Variants in SYNE2 observed in about 807,000 individuals in gnomAD.
The protein encoded by SYNE2 is nesprin-2.
Under a neutral mutation model 856.3 loss-of-function variants are expected in SYNE2, and 431 were observed. That is an observed-to-expected ratio of 0.50 (90% CI 0.47 to 0.55). The LOEUF (loss-of-function observed/expected upper bound fraction) is 0.55. Among genes scored for constraint, SYNE2 ranks in the 20% least tolerant of loss-of-function variants. The probability of loss-of-function intolerance (pLI) is 0.00; values close to 1 mark genes in which losing one functional copy is unlikely to be tolerated. For synonymous variants in SYNE2, 2,923 were observed against 2,872.3 expected, an observed-to-expected ratio of 1.02 and a Z score of -0.56; for missense variants, 8,129 against 8,023.2, an observed-to-expected ratio of 1.01 and a Z score of -0.50.
intron 1 of SYNE2, among the ~76,000 whole-genome samples, chr14:63,907,714 T>G (rs1235237280): frequency 1.3e-5 from 2 of 151,980 alleles, no homozygotes; most frequent in Admixed American, 1.3e-4. Context: ...CCCCAGAGTA[T>G]GGGAAGGGGT....
intron 19 of SYNE2, among the ~76,000 whole-genome samples, chr14:63,989,729 C>A (rs1445834094): frequency 1.3e-5 from 2 of 152,194 alleles, no homozygotes; most frequent in Non-Finnish European, 2.9e-5. Context: ...TGGCTCACTG[C>A]AACCTCTGCC....
intron 1 of SYNE2, among the ~76,000 whole-genome samples, chr14:63,894,011 T>C (rs972241155): frequency 6.6e-6 from 1 of 152,146 alleles, no homozygotes; most frequent in Non-Finnish European, 1.5e-5. Context: ...CTCAGTTACT[T>C]CTTTGGGGAA....
chr14:64,177,847 GACT>G (rs1217412464), intron 96 of SYNE2, among the ~76,000 whole-genome samples: 2 of 152,196 alleles, frequency 1.3e-5, no homozygotes, highest in African/African-American at 4.8e-5. Context: ...AGTAAAATAT[GACT>G]AAAGAATTCA....
intron 70 of SYNE2, among the ~76,000 whole-genome samples, chr14:64,123,526 T>C (rs1431070312): frequency 6.6e-6 from 1 of 152,226 alleles, no homozygotes; most frequent in Non-Finnish European, 1.5e-5. Context: ...TTCTCCATAT[T>C]ACACTGTAAC....
At chr14:64,045,499 A>G (rs528932281) in intron 45 of SYNE2, among the ~76,000 whole-genome samples, 2 of 152,246 alleles carry the variant, frequency 1.3e-5, no homozygotes, top group Admixed American at 1.3e-4. Flanking sequence ...GGAGACAGCT[A>G]TCTAGCTCAT....
chr14:63,928,839 C>T (rs1327448276), intron 2 of SYNE2, among the ~76,000 whole-genome samples: 1 of 152,078 alleles, frequency 6.6e-6, no homozygotes, highest in African/African-American at 2.4e-5. Context: ...ATCATCCTTA[C>T]CGTGTCCGTC....
intron 50 of SYNE2, among the ~76,000 whole-genome samples, chr14:64,063,407 G>A (rs1258452969): frequency 6.6e-6 from 1 of 152,212 alleles, no homozygotes; most frequent in Non-Finnish European, 1.5e-5. Flanking sequence ...GTGGTACTGA[G>A]AGATTTAATT....
intron 113 of SYNE2, 146 bp from the exon 114 acceptor site, chr14:64,224,315 C>T (rs910739469): frequency 1.3e-6 from 1 of 773,688 alleles, no homozygotes; most frequent in South Asian, 1.4e-5. Context: ...TGTGCCACTG[C>T]ACTCCAGCCT....
chr14:64,131,008 ACTT>A (rs1247025983), intron 76 of SYNE2, among the ~76,000 whole-genome samples: 1 of 152,220 alleles, frequency 6.6e-6, no homozygotes, highest in Non-Finnish European at 1.5e-5. Context: ...TTAAACAAAA[ACTT>A]CTTGATCACC....
chr14:64,002,808 T>C lies in SYNE2; in HGVS notation c.3875T>C (p.Phe1292Ser), dbSNP rs2096765769. 2.5e-6 allele frequency: 4 copies of C among 1,599,182 alleles called. No individual in the cohort carries two copies. Among genetic ancestry groups the C allele is most frequent in the African/African-American group, 2.8e-5 (2 of 70,332 alleles). The change falls in exon 30 of 116, where the codon TTT becomes TCT. Residue 1292 changes from phenylalanine to serine, a missense_variant. By Grantham distance (155) the Phe-to-Ser change is radical. This residue lies in a region of SYNE2 where 2,422 missense variants were observed against 2,357.4 expected (regional missense o/e 1.03). Coordinates refer to ENST00000555002, the MANE Select transcript of SYNE2 (RefSeq NM_182914.3). ...TTTGTATTAAAGGAGTTACACCCAT[T>C]TGATCTACACGCAATGCAGAATATT... ...GNFVLKELHP[F>S]DLHAMQNIIL...
In SYNE2 at chr14:63,775,931, C is replaced by A. The variant is rs139893611; in HGVS notation, c.-305+13945C>A. Among the ~76,000 whole-genome samples, 110 of 152,268 alleles carry A rather than the reference C, an allele frequency of 7.2e-4. 1 individual carries two copies. The South Asian group carries it at 0.016, about 22-fold the overall frequency. On this transcript the variant is annotated intron_variant, in intron 1 of 23. Transcript: ENST00000674003. ...CTAGTACTTTTCCTTTACCATTAGA[C>A]GCATACAGAGTGCATTTGGTAAATT...
intron 31 of SYNE2, among the ~76,000 whole-genome samples, chr14:64,007,931 G>A (rs2096811257): frequency 6.6e-6 from 1 of 152,154 alleles, no homozygotes; most frequent in Non-Finnish European, 1.5e-5. Flanking sequence ...CATCACTTGA[G>A]CCTGGGAGGT....
chr14:63,978,087 C>A, intron 13 of SYNE2, 70 bp downstream of exon 13: 1 of 969,778 alleles, frequency 1.0e-6, no homozygotes, highest in South Asian at 1.3e-5. Context: ...ACTACAGGGA[C>A]CACAAAATAC....
chr14:63,983,683 A>G (rs2096603662), intron 17 of SYNE2, 54 bp from the exon 18 acceptor site: 5 of 1,427,890 alleles, frequency 3.5e-6, no homozygotes, highest in Non-Finnish European at 4.9e-6. Context: ...TGTAATGTAT[A>G]TTAGCATAAA....
intron 45 of SYNE2, among the ~76,000 whole-genome samples, chr14:64,034,990 C>T (rs960447039): frequency 3.3e-5 from 5 of 150,142 alleles, no homozygotes; most frequent in Non-Finnish European, 7.4e-5. Flanking sequence ...ATGGAATGAT[C>T]TTTCTTGCCC....
chr14:63,796,065 T>C (rs1328707895), intron 1 of SYNE2, among the ~76,000 whole-genome samples: 1 of 152,244 alleles, frequency 6.6e-6, no homozygotes, highest in Admixed American at 6.5e-5. Context: ...TATCAAAATC[T>C]GTCCAAGGTT....
intron 22 of SYNE2, 71 bp downstream of exon 22, chr14:63,994,040 C>A: frequency 6.6e-7 from 1 of 1,520,934 alleles, no homozygotes; most frequent in Non-Finnish European, 9.1e-7. Flanking sequence ...TTGTCAGAGC[C>A]ATTCCTGGGG....
intron 1 of SYNE2, among the ~76,000 whole-genome samples, chr14:63,872,761 C>CA (rs36125169): frequency 0.16 from 14,204 of 87,608 alleles, 1,389 homozygotes; most frequent in South Asian, 0.19. Context: ...GACTCTGCCT[C>CA]AAAAAAAAAA....
Position 64,225,745 on chromosome 14 carries a change from T to G in SYNE2, c.*219T>G, listed in dbSNP as rs886050604. The stretch of plus-strand genomic sequence containing the variant: ...GAACCTGTGTGGCAGGTGCCCCGGG[T>G]ATTTTGGCAGAACTAGTTGATTAGT... On this transcript the variant is annotated 3_prime_UTR_variant, in exon 116 of 116. Transcript: ENST00000555002. 3.3e-6 allele frequency: 2 copies of G among 613,038 alleles called. No homozygotes were observed. Among genetic ancestry groups the G allele is most frequent in the Admixed American group, 2.8e-5 (1 of 36,062 alleles). 38.0% of individuals were successfully genotyped at this position (613,038 alleles called of 1,614,324 possible). A position where few individuals can be genotyped will look rare whatever the true frequency, so the allele number is the denominator to read the frequency against.
Sources: gnomAD v4.1 joint callset for allele counts (sites outside exome capture counted in the v4.1 genomes callset) on GRCh38, gnomAD v4.1.1 for gene constraint, gnomAD v4.1.1 regional missense constraint, MANE v1.5 for transcripts, NCBI Gene and HGNC (gene_info 2026-07-23, HGNC 2026-07-21) for gene names.